TAMM41: variants seen among roughly 807,000 people sequenced by gnomAD.
The protein encoded by TAMM41 is phosphatidate cytidylyltransferase, mitochondrial.
TAMM41 carries 36 observed loss-of-function variants against 44.1 expected under a neutral mutation model. That is an observed-to-expected ratio of 0.82 (90% confidence interval 0.63 to 1.08). TAMM41 has a LOEUF of 1.08. Among genes scored for constraint, TAMM41 ranks in the 50% least tolerant of loss-of-function variants. TAMM41 has a pLI of 0.00. For missense variants in TAMM41, 417 were observed against 404.3 expected, an observed-to-expected ratio of 1.03 and a Z score of -0.27; for synonymous variants, 164 against 153.1, an observed-to-expected ratio of 1.07 and a Z score of -0.53.
At chr3:11,816,768 TC>T (rs1175539888) in intron 5 of TAMM41, among the ~76,000 whole-genome samples, 1 of 148,914 alleles carries the variant, frequency 6.7e-6, no homozygotes, top group Non-Finnish European at 1.5e-5. Context: ...TCAGACCCTG[TC>T]CCCCCAAAAA....
downstream of TAMM41, among the ~76,000 whole-genome samples, chr3:11,788,214 A>G (rs1055096069): frequency 1.4e-4 from 22 of 152,350 alleles, no homozygotes; most frequent in African/African-American, 4.1e-4. Flanking sequence ...TTGGGAATAT[A>G]AAAAGCTCTA....
At chr3:11,764,554 G>A in the TAMM41 span, among the ~76,000 whole-genome samples, 14 of 137,254 alleles carry the variant, frequency 1.0e-4, no homozygotes, top group East Asian at 4.4e-4. Flanking sequence ...GTTCAGTGGC[G>A]CGATCTCGGC....
At chr3:11,753,150 G>A in the TAMM41 span, among the ~76,000 whole-genome samples, 3 of 152,236 alleles carry the variant, frequency 2.0e-5, no homozygotes, top group East Asian at 3.9e-4. Flanking sequence ...GCCCTGGCCA[G>A]CGCAGTGGCT....
the TAMM41 span, among the ~76,000 whole-genome samples, chr3:11,727,850 G>A: frequency 2.5e-3 from 367 of 148,182 alleles, 1 homozygote; most frequent in African/African-American, 8.4e-3. Flanking sequence ...GCAATGGCGC[G>A]ATCTCGGCTC....
chr3:11,844,087 A>G lies in TAMM41; in HGVS notation c.260T>C (p.Ile87Thr). The G allele has an allele frequency of 6.2e-7, 1 of 1,614,176 alleles. No homozygotes were observed. Among genetic ancestry groups the G allele is most frequent in the Non-Finnish European group, 8.5e-7 (1 of 1,180,028 alleles). ...AACTCCAGCGCCATAGTTATTCTGG[A>G]TGGACGTGATAATCTTGGGCCCTAA... ...KVLGPKIITS[I>T]QNNYGAGVYY... The change falls in exon 2 of 8, where the codon ATC (isoleucine) becomes ACC (threonine). Residue 87 changes from isoleucine (I) to threonine (T), a missense_variant. Coordinates refer to ENST00000455809, the MANE Select transcript of TAMM41 (RefSeq NM_001284401.2).
intron 2 of TAMM41, among the ~76,000 whole-genome samples, chr3:11,840,328 G>T (rs1559328619): frequency 6.6e-6 from 1 of 151,896 alleles, no homozygotes; most frequent in Non-Finnish European, 1.5e-5. Flanking sequence ...CGCCTCCTGG[G>T]TTCAAGCCAT....
chr3:11,800,409 C>T (rs2077719054), intron 7 of TAMM41, among the ~76,000 whole-genome samples: 1 of 151,832 alleles, frequency 6.6e-6, no homozygotes, highest in South Asian at 2.1e-4. Flanking sequence ...TATATGCTAC[C>T]TACAAGAAAC....
intron 5 of TAMM41, chr3:11,810,788 G>A (rs1029357267): frequency 6.6e-6 from 1 of 152,046 alleles, no homozygotes; most frequent in African/African-American, 2.4e-5. Flanking sequence ...AATGGGCCAG[G>A]AGCACAGGTT....
chr3:11,749,006 G>A, the TAMM41 span, among the ~76,000 whole-genome samples: 9 of 145,164 alleles, frequency 6.2e-5, no homozygotes, highest in South Asian at 4.5e-4. Context: ...TCTGCCTCCC[G>A]GGTTCAAGTG....
At chr3:11,746,730 C>A in the TAMM41 span, among the ~76,000 whole-genome samples, 74,698 of 151,920 alleles carry the variant, frequency 0.49, 18,942 homozygotes, top group Non-Finnish European at 0.56. Flanking sequence ...CTCACTGCAG[C>A]CTCAAATGAT....
the TAMM41 span, among the ~76,000 whole-genome samples, chr3:11,739,227 G>A: frequency 6.6e-6 from 1 of 152,132 alleles, no homozygotes; most frequent in African/African-American, 2.4e-5. Context: ...AGGCTGTACT[G>A]TCACCAGAGT....
the TAMM41 span, among the ~76,000 whole-genome samples, chr3:11,722,697 G>C: frequency 6.6e-6 from 1 of 152,136 alleles, no homozygotes; most frequent in Non-Finnish European, 1.5e-5. Context: ...ATGGTCAGGC[G>C]TGGTGGCTCA....
chr3:11,820,406 A>G (rs559292817), intron 4 of TAMM41, among the ~76,000 whole-genome samples: 1 of 152,338 alleles, frequency 6.6e-6, no homozygotes, highest in South Asian at 2.1e-4. Flanking sequence ...TATGTTTTAC[A>G]ATCCAAATCT....
intron 4 of TAMM41, among the ~76,000 whole-genome samples, chr3:11,828,446 A>G (rs906813474): frequency 2.6e-5 from 4 of 152,220 alleles, no homozygotes; most frequent in African/African-American, 9.6e-5. Context: ...GAGGACTGGT[A>G]GTGGTAGGGG....
At chr3:11,779,473 A>G in the TAMM41 span, among the ~76,000 whole-genome samples, 2 of 152,116 alleles carry the variant, frequency 1.3e-5, no homozygotes, top group Admixed American at 6.5e-5. Flanking sequence ...CCCTACCTCC[A>G]ACACCGAGGA....
chr3:11,813,008 G>A (rs2078139191), intron 5 of TAMM41, among the ~76,000 whole-genome samples: 1 of 152,170 alleles, frequency 6.6e-6, no homozygotes, highest in Admixed American at 6.5e-5. Flanking sequence ...AGTTTCCTGG[G>A]AAAAGAAACT....
chr3:11,745,046 A>G, the TAMM41 span, among the ~76,000 whole-genome samples: 1 of 152,112 alleles, frequency 6.6e-6, no homozygotes, highest in Admixed American at 6.5e-5. Context: ...TATTTTTAGT[A>G]GAGATGGGGT....
intron 4 of TAMM41, among the ~76,000 whole-genome samples, chr3:11,819,067 T>C (rs148559009): frequency 2.6e-3 from 403 of 152,192 alleles, no homozygotes; most frequent in African/African-American, 9.2e-3. Context: ...GAGAGTTAGA[T>C]AGTTAAAACC....
At chr3:11,819,642 C>T (rs1234834168) in intron 4 of TAMM41, among the ~76,000 whole-genome samples, 1 of 152,070 alleles carries the variant, frequency 6.6e-6, no homozygotes, top group Non-Finnish European at 1.5e-5. Flanking sequence ...CATCTATAGT[C>T]CTAGCACTTT....
Sources: allele counts gnomAD v4.1 joint callset (sites outside exome capture counted in the v4.1 genomes callset), GRCh38; gene constraint gnomAD v4.1.1; transcripts MANE v1.5; gene names NCBI Gene and HGNC (gene_info 2026-07-23, HGNC 2026-07-21).